ZNF26: variants seen among roughly 807,000 people sequenced by gnomAD.
The protein encoded by ZNF26 is zinc finger protein 26.
Under a neutral mutation model 54.9 loss-of-function variants are expected in ZNF26, and 32 were observed. The observed-to-expected ratio is 0.58, with a 90% confidence interval of 0.44 to 0.78. The LOEUF (loss-of-function observed/expected upper bound fraction) is 0.78. Ranked by LOEUF, ZNF26 falls within the 30% of genes least tolerant of loss-of-function variation. ZNF26 has a pLI of 0.00. For missense variants in ZNF26, 524 were observed against 634.0 expected, an observed-to-expected ratio of 0.83 and a Z score of 1.86; for synonymous variants, 221 against 209.2, an observed-to-expected ratio of 1.06 and a Z score of -0.49.
rs1953646384 is a variant in ZNF26 at position 133,021,800 on chromosome 12, A to G, written c.*10319A>G. The G allele has an allele frequency of 6.6e-6, 1 of 151,704 alleles. No homozygotes were observed. The highest frequency in any genetic ancestry group is 2.4e-5 in the African/African-American group (1 of 41,340). The allele number at this position is 151,704 out of a possible 1,614,324, so 9.4% of individuals were successfully genotyped here. On this transcript the variant is annotated 3_prime_UTR_variant, in exon 4 of 4. Transcript: ENST00000328654. ...AAGAAAGAAAAACGTTTATTTGTAG[A>G]GAAAGCTAACATGGTAAAAATTTGA...
chr12:133,007,511 A>T lies in ZNF26; in HGVS notation c.235A>T (p.Ile79Phe), dbSNP rs745905963. Residue 79 changes from isoleucine to phenylalanine, a missense_variant, in exon 3 of 4, where the codon ATT (isoleucine) becomes TTT (phenylalanine). Transcript: ENST00000328654. ...GEDPWIINAK[I>F]SRQSCPDGWE... ...AGATCCATGGATAATAAATGCCAAA[A>T]TTTCCAGGCAGAGCTGTCCAGGTGG... 12 of 1,613,736 alleles carry T rather than the reference A, an allele frequency of 7.4e-6. No homozygotes were observed. The highest frequency in any genetic ancestry group is 1.0e-5 in the Non-Finnish European group (12 of 1,179,762).
At chr12:133,002,120 G>A (rs1953230704) in intron 1 of ZNF26, among the ~76,000 whole-genome samples, 1 of 152,084 alleles carries the variant, frequency 6.6e-6, no homozygotes, top group Non-Finnish European at 1.5e-5. Flanking sequence ...GTCATTCATG[G>A]ACCAGTTATT....
In ZNF26 at chr12:133,001,700, C is replaced by G; in HGVS notation, c.34-5342C>G. ...AAGTTCGGGAATCTTCTGGGTGTTC[C>G]TTGGGCCCAGGGAAACAGTGCCCTG... On this transcript the variant is annotated intron_variant, in intron 1 of 3. Transcript: ENST00000328654. The surrounding 1 kb of genome is among the most constrained non-coding windows in gnomAD (Gnocchi z 4.7). The G allele has an allele frequency of 2.3e-6, 3 of 1,289,132 alleles. No homozygotes were observed. The highest frequency in any genetic ancestry group is 3.0e-6 in the Non-Finnish European group (3 of 988,682). The allele number at this position is 1,289,132 out of a possible 1,614,324, so 79.9% of individuals were successfully genotyped here.
rs1463598803 is a variant in ZNF26 at position 133,016,566 on chromosome 12, C to G, written c.*5085C>G. 2.0e-5 allele frequency: 3 copies of G among 151,404 alleles called. No individual in the cohort carries two copies. The highest frequency in any genetic ancestry group is 6.6e-5 in the Admixed American group (1 of 15,120). The allele number at this position is 151,404 out of a possible 1,614,324, so 9.4% of individuals were successfully genotyped here. On this transcript the variant is annotated 3_prime_UTR_variant, in exon 4 of 4. Coordinates refer to ENST00000328654, the MANE Select transcript of ZNF26 (RefSeq NM_019591.4). ...AACACTTTGGGAGGCAGGAGGATCA[C>G]TTGAGCTCAGGAATTTGAGACCAGT... is the stretch of plus-strand genomic sequence containing the variant.
Position 133,012,501 on chromosome 12 carries a change from C to T in ZNF26, c.*1020C>T, listed in dbSNP as rs757022985. 1 of 151,280 alleles carries T rather than the reference C, an allele frequency of 6.6e-6. No individual in the cohort carries two copies. Among genetic ancestry groups the T allele is most frequent in the East Asian group, 1.9e-4 (1 of 5,158 alleles). The allele number at this position is 151,280 out of a possible 1,614,324, so 9.4% of individuals were successfully genotyped here. A position where few individuals can be genotyped will look rare whatever the true frequency, so the allele number is the denominator to read the frequency against. ...TTACAAGAATAACTGTGGATACGAT[C>T]CCTTTAGAACCTGCTTCTCTGATCT... On this transcript the variant is annotated 3_prime_UTR_variant, in exon 4 of 4. Transcript: ENST00000328654.
At position 132,995,661 on chromosome 12, in the gene ZNF26, G is replaced by GT. The variant is rs34309325; in HGVS notation, c.33+8796dup. 6.8e-3 allele frequency among the ~76,000 whole-genome samples: 1,026 copies of GT among 151,642 alleles called. 10 individuals are homozygous for GT. The highest frequency in any genetic ancestry group is 0.049 in the East Asian group (252 of 5,150). On this transcript the variant is annotated intron_variant, in intron 1 of 3. Coordinates refer to ENST00000328654, the MANE Select transcript of ZNF26 (RefSeq NM_019591.4). The stretch of plus-strand genomic sequence containing the variant: ...ACAGAGACTGAAGTTTACTGTTGTG[G>GT]TTTTTTTTGAGACAGAGTCTTGCTC...
At chr12:133,000,500 C>G (rs1953189850) in intron 1 of ZNF26, among the ~76,000 whole-genome samples, 1 of 147,420 alleles carries the variant, frequency 6.8e-6, no homozygotes, top group Admixed American at 7.0e-5. Flanking sequence ...TCTTGGCTCA[C>G]TGCAAGCTCC....
intron 1 of ZNF26, among the ~76,000 whole-genome samples, chr12:132,990,064 G>C (rs1952914090): frequency 6.6e-6 from 1 of 152,014 alleles, no homozygotes; most frequent in Non-Finnish European, 1.5e-5. Context: ...CAGGAGGATA[G>C]CTTTAGCCTA....
At chr12:133,008,988 A>G (rs1048937042) in intron 3 of ZNF26, among the ~76,000 whole-genome samples, 3 of 151,946 alleles carry the variant, frequency 2.0e-5, no homozygotes, top group Non-Finnish European at 4.4e-5. Flanking sequence ...AATGTGCCAC[A>G]TACTATCAAA....
chr12:133,002,250 G>A (rs1311541024), intron 1 of ZNF26, among the ~76,000 whole-genome samples: 9 of 152,086 alleles, frequency 5.9e-5, no homozygotes, highest in East Asian at 3.9e-4. Context: ...GTCTCTCAGC[G>A]TGCCATGCTG....
At position 133,014,235 on chromosome 12, in the gene ZNF26, G is replaced by C. The variant is rs1326102426; in HGVS notation, c.*2754G>C. The stretch of plus-strand genomic sequence containing the variant: ...AGCATGACAACACCCAGGGCAACGT[G>C]ACAAAACCCTGTCTACAAAAGTTTC... On this transcript the variant is annotated 3_prime_UTR_variant, in exon 4 of 4. Coordinates refer to ENST00000328654, the MANE Select transcript of ZNF26 (RefSeq NM_019591.4). The C allele has an allele frequency of 6.6e-6, 1 of 152,214 alleles. No homozygotes were observed. The highest frequency in any genetic ancestry group is 1.5e-5 in the Non-Finnish European group (1 of 68,066). 9.4% of individuals were successfully genotyped at this position (152,214 alleles called of 1,614,324 possible). A position where few individuals can be genotyped will look rare whatever the true frequency, so the allele number is the denominator to read the frequency against.
At chr12:133,009,469 G>A (rs1320366591) in intron 3 of ZNF26, among the ~76,000 whole-genome samples, 1 of 152,092 alleles carries the variant, frequency 6.6e-6, no homozygotes, top group Non-Finnish European at 1.5e-5. Context: ...GCATGTGCCT[G>A]TAGTCCCAGC....
rs1953636232 is a variant in ZNF26 at position 133,021,201 on chromosome 12, C to T, written c.*9720C>T. On this transcript the variant is annotated 3_prime_UTR_variant, in exon 4 of 4. Transcript: ENST00000328654. ...TGGCACCGTGTCGGCTCACTGCAAC[C>T]TCTGCCTCCCGGGTTCAAGTGATTC... 6.7e-6 allele frequency: 1 copy of T among 149,764 alleles called. No homozygotes were observed. Among genetic ancestry groups the T allele is most frequent in the African/African-American group, 2.5e-5 (1 of 40,528 alleles). 9.3% of individuals were successfully genotyped at this position (149,764 alleles called of 1,614,324 possible).
intron 1 of ZNF26, among the ~76,000 whole-genome samples, chr12:132,997,207 G>A (rs1360317097): frequency 5.9e-5 from 9 of 152,228 alleles, no homozygotes; most frequent in Non-Finnish European, 1.2e-4. Context: ...CTAATCAGAA[G>A]CCCACACGGT....
At chr12:132,987,734 G>C (rs1389271066) in intron 1 of ZNF26, 1 of 985,348 alleles carries the variant, frequency 1.0e-6, no homozygotes, top group Non-Finnish European at 1.2e-6. Flanking sequence ...TGGAAGCTCA[G>C]AGTGTGACCA....
chr12:132,989,088 G>A (rs941697022), intron 1 of ZNF26, among the ~76,000 whole-genome samples: 2 of 139,868 alleles, frequency 1.4e-5, no homozygotes, highest in Non-Finnish European at 3.0e-5. Context: ...CCAGGCTGGA[G>A]TGCAGTGGCA....
At chr12:132,992,660 A>G (rs994436299) in intron 1 of ZNF26, among the ~76,000 whole-genome samples, 10 of 152,326 alleles carry the variant, frequency 6.6e-5, no homozygotes, top group African/African-American at 2.4e-4. Flanking sequence ...TTCAACTTAT[A>G]ATAGGTTTAT....
At chr12:133,000,884 G>T (rs1953203173) in intron 1 of ZNF26, among the ~76,000 whole-genome samples, 1 of 152,044 alleles carries the variant, frequency 6.6e-6, no homozygotes, top group Non-Finnish European at 1.5e-5. Flanking sequence ...CAAGCTTAAA[G>T]AAATAGTAAA....
intron 1 of ZNF26, among the ~76,000 whole-genome samples, chr12:132,994,343 A>G (rs1461852417): frequency 2.0e-5 from 3 of 152,192 alleles, no homozygotes; most frequent in African/African-American, 7.2e-5. Flanking sequence ...TTCAGATCTA[A>G]GAAGAGTTGT....
Sources: allele counts gnomAD v4.1 joint callset (sites outside exome capture counted in the v4.1 genomes callset), GRCh38; gene constraint gnomAD v4.1.1; non-coding constraint Gnocchi (gnomAD v3.1); transcripts MANE v1.5; gene names NCBI Gene and HGNC (gene_info 2026-07-23, HGNC 2026-07-21).